The following EYA1 variants were observed in gnomAD, a reference collection of about 807,000 sequenced individuals.
EYA1 encodes protein phosphatase EYA1.
A neutral mutation model predicts 82.0 loss-of-function variants in EYA1; 16 were observed. The ratio of observed to expected loss-of-function variants is 0.20; its 90% CI spans 0.13 to 0.30. The LOEUF (loss-of-function observed/expected upper bound fraction) is 0.30, where lower values mean the gene tolerates loss of function less well. Among genes scored for constraint, EYA1 ranks in the 10% least tolerant of loss-of-function variants. The probability of loss-of-function intolerance (pLI) is 1.00; values close to 1 mark genes in which losing one functional copy is unlikely to be tolerated. For missense variants in EYA1, 633 were observed against 730.7 expected (o/e 0.87, Z 1.54); for synonymous variants, 261 against 264.4 (o/e 0.99, Z 0.12).
intron 2 of EYA1, among the ~76,000 whole-genome samples, chr8:71,442,149 C>T (rs1806477351): frequency 6.6e-6 from 1 of 152,138 alleles, no homozygotes; most frequent in African/African-American, 2.4e-5. Context: ...TGAATGAGGA[C>T]AAAGTTAGAT....
intron 4 of EYA1, among the ~76,000 whole-genome samples, chr8:71,324,401 T>C (rs1822924014): frequency 6.6e-6 from 1 of 152,196 alleles, no homozygotes; most frequent in Non-Finnish European, 1.5e-5. Context: ...TTCTTCTATG[T>C]GGGCTTAGTC....
intron 2 of EYA1, among the ~76,000 whole-genome samples, chr8:71,511,484 GT>G (rs1287203811): frequency 1.3e-5 from 2 of 152,280 alleles, no homozygotes; most frequent in African/African-American, 4.8e-5. Context: ...TTAATTTGAG[GT>G]TTTTTGTTTA....
intron 17 of EYA1, among the ~76,000 whole-genome samples, chr8:71,200,661 C>T (rs991157110): frequency 2.6e-5 from 4 of 152,094 alleles, no homozygotes; most frequent in African/African-American, 7.2e-5. Flanking sequence ...CACTGTAAGA[C>T]GTAGCATTGT....
chr8:71,335,244 A>C (rs1292686616), intron 3 of EYA1, among the ~76,000 whole-genome samples: 22 of 152,154 alleles, frequency 1.4e-4, no homozygotes, highest in Admixed American at 2.0e-4. Context: ...CTCTCTTATA[A>C]AGCAAATACA....
At chr8:71,474,404 T>C (rs909669380) in intron 2 of EYA1, among the ~76,000 whole-genome samples, 1 of 152,014 alleles carries the variant, frequency 6.6e-6, no homozygotes, top group Non-Finnish European at 1.5e-5. Context: ...CAGAGGGCTA[T>C]ACATTTTAAG....
chr8:71,417,430 A>G (rs539718717), intron 2 of EYA1, among the ~76,000 whole-genome samples: 6 of 152,338 alleles, frequency 3.9e-5, no homozygotes, highest in African/African-American at 1.4e-4. Flanking sequence ...AACATGGACA[A>G]GTTTAGAAAG....
intron 2 of EYA1, among the ~76,000 whole-genome samples, chr8:71,502,238 A>G (rs1475473354): frequency 6.6e-6 from 1 of 152,202 alleles, no homozygotes; most frequent in Non-Finnish European, 1.5e-5. Flanking sequence ...GCCATGACAG[A>G]TATGTGAGCT....
chr8:71,523,481 A>C (rs1443684225), intron 2 of EYA1, among the ~76,000 whole-genome samples: 1 of 152,052 alleles, frequency 6.6e-6, no homozygotes, highest in Non-Finnish European at 1.5e-5. Context: ...CCCGGCCAAA[A>C]ATCTATTCAG....
intron 2 of EYA1, among the ~76,000 whole-genome samples, chr8:71,422,791 G>T (rs915677490): frequency 6.6e-6 from 1 of 152,088 alleles, no homozygotes; most frequent in Non-Finnish European, 1.5e-5. Flanking sequence ...ATCACTATCA[G>T]GAGAACAGCA....
At chr8:71,496,919 A>G (rs1387046070) in intron 2 of EYA1, among the ~76,000 whole-genome samples, 3 of 152,284 alleles carry the variant, frequency 2.0e-5, no homozygotes. Flanking sequence ...CTAAGAAAAA[A>G]AAAAAAAGGA....
At chr8:71,395,309 C>G (rs573998245) in intron 2 of EYA1, among the ~76,000 whole-genome samples, 2 of 148,036 alleles carry the variant, frequency 1.4e-5, no homozygotes, top group East Asian at 1.9e-4. Flanking sequence ...ATTGCCCTGG[C>G]CAGAACTTCC....
At chr8:71,503,110 G>T (rs935292893) in intron 2 of EYA1, among the ~76,000 whole-genome samples, 1 of 152,012 alleles carries the variant, frequency 6.6e-6, no homozygotes, top group African/African-American at 2.4e-5. Flanking sequence ...TTCATCTCTA[G>T]CACAGGTCCT....
At chr8:71,369,032 CAAA>C (rs60647486) in intron 2 of EYA1, among the ~76,000 whole-genome samples, 4,058 of 112,786 alleles carry the variant, frequency 0.036, 179 homozygotes, top group African/African-American at 0.12. Context: ...ACTAAAAATA[CAAA>C]AAAAAAAAAA....
chr8:71,361,339 C>A (rs1202899768), intron 1 of EYA1, among the ~76,000 whole-genome samples: 1 of 152,162 alleles, frequency 6.6e-6, no homozygotes, highest in Non-Finnish European at 1.5e-5. Flanking sequence ...CATCTCCCTG[C>A]AAGAATATGG....
intron 4 of EYA1, among the ~76,000 whole-genome samples, chr8:71,325,520 T>A (rs1823051837): frequency 6.6e-6 from 1 of 152,170 alleles, no homozygotes; most frequent in African/African-American, 2.4e-5. Flanking sequence ...CACTATTTGT[T>A]TAAAAAGAAT....
intron 9 of EYA1, among the ~76,000 whole-genome samples, chr8:71,275,640 GGA>G (rs1817080543): frequency 1.3e-5 from 2 of 152,238 alleles, no homozygotes; most frequent in African/African-American, 4.8e-5. Flanking sequence ...ATGTCAGGAA[GGA>G]GAGAGTGATC....
intron 3 of EYA1, among the ~76,000 whole-genome samples, chr8:71,352,918 T>C (rs1481728004): frequency 6.6e-6 from 1 of 152,232 alleles, no homozygotes; most frequent in Non-Finnish European, 1.5e-5. Context: ...GTTCTTATTT[T>C]GTAGGAGACA....
intron 12 of EYA1, among the ~76,000 whole-genome samples, chr8:71,234,052 C>CCAAAGTGGGG (rs1811545103): frequency 6.6e-6 from 1 of 152,168 alleles, no homozygotes; most frequent in East Asian, 1.9e-4. Context: ...CTCCTTTGAT[C>CCAAAGTGGGG]ATGACCAAAT....
intron 2 of EYA1, among the ~76,000 whole-genome samples, chr8:71,453,235 A>G (rs550854082): frequency 1.4e-4 from 22 of 152,226 alleles, no homozygotes; most frequent in Non-Finnish European, 2.6e-4. Context: ...GAGTAAAAAG[A>G]AAAGAACAAA....
Sources: allele counts gnomAD v4.1 joint callset (sites outside exome capture counted in the v4.1 genomes callset), GRCh38; gene constraint gnomAD v4.1.1; transcripts MANE v1.5; gene names NCBI Gene and HGNC (gene_info 2026-07-23, HGNC 2026-07-21).